The following PHTF2 variants were observed in gnomAD, a reference collection of about 807,000 sequenced individuals.
PHTF2 encodes the protein putative homeodomain transcription factor 2, also known as protein PHTF2.
Under a neutral mutation model 101.2 loss-of-function variants are expected in PHTF2, and 60 were observed. The observed-to-expected ratio is 0.59, with a 90% CI of 0.48 to 0.73. PHTF2 has a LOEUF of 0.73. Ranked by LOEUF, PHTF2 falls within the 30% of genes least tolerant of loss-of-function variation. PHTF2 has a pLI of 0.00. For synonymous variants in PHTF2, 311 were observed against 307.3 expected (o/e 1.01, Z -0.13); for missense variants, 747 against 908.7 (o/e 0.82, Z 2.29).
At chr7:77,852,011 GT>G (rs1225094735) in intron 2 of PHTF2, among the ~76,000 whole-genome samples, 1 of 152,082 alleles carries the variant, frequency 6.6e-6, no homozygotes, top group African/African-American at 2.4e-5. Context: ...CCATGTGTTT[GT>G]GTAGTTTCCA....
At chr7:77,809,539 C>A (rs1339914905) in intron 1 of PHTF2, among the ~76,000 whole-genome samples, 2 of 151,972 alleles carry the variant, frequency 1.3e-5, no homozygotes, top group African/African-American at 4.8e-5. Flanking sequence ...AAACCCAATT[C>A]TTATTGACAA....
intron 2 of PHTF2, among the ~76,000 whole-genome samples, chr7:77,852,415 G>A (rs941668252): frequency 6.6e-6 from 1 of 152,184 alleles, no homozygotes; most frequent in Non-Finnish European, 1.5e-5. Context: ...TGAGGCTTGT[G>A]AGTAACATCT....
chr7:77,927,540 G>A (rs1055532696), intron 11 of PHTF2, among the ~76,000 whole-genome samples: 1 of 152,092 alleles, frequency 6.6e-6, no homozygotes, highest in African/African-American at 2.4e-5. Flanking sequence ...AAGTTGTGGT[G>A]AGTGAAGATC....
intron 1 of PHTF2, among the ~76,000 whole-genome samples, chr7:77,806,129 C>T (rs915033425): frequency 1.1e-4 from 16 of 150,876 alleles, no homozygotes; most frequent in Middle Eastern, 3.4e-3. Context: ...GCAGTGAGAT[C>T]GCACCATTGC....
At position 77,942,322 on chromosome 7, in the gene PHTF2, C is replaced by A. The variant is rs137905198; in HGVS notation, c.1873-378C>A. 1.8e-3 allele frequency among the ~76,000 whole-genome samples: 274 copies of A among 152,294 alleles called. 2 individuals are homozygous for A. The highest frequency in any genetic ancestry group is 5.9e-3 in the African/African-American group (247 of 41,572). On this transcript the variant is annotated intron_variant, in intron 15 of 19. Coordinates refer to ENST00000416283, the Ensembl canonical transcript of PHTF2. ...TTGATGTCTCACTCCCCTCCTAGTT[C>A]CTGTGAAGGTAGAGGGACCATGTGT...
At chr7:77,809,431 T>C (rs897598708) in intron 1 of PHTF2, among the ~76,000 whole-genome samples, 8 of 152,064 alleles carry the variant, frequency 5.3e-5, no homozygotes, top group African/African-American at 1.9e-4. Context: ...TTCACCATGT[T>C]GACCAGGCTC....
chr7:77,906,760 T>C, intron 7 of PHTF2, among the ~76,000 whole-genome samples: 1 of 152,042 alleles, frequency 6.6e-6, no homozygotes, highest in South Asian at 2.1e-4. Flanking sequence ...TACAAAAAAT[T>C]AGCCAAGCGT....
At chr7:77,813,430 T>C (rs996200115) in intron 1 of PHTF2, among the ~76,000 whole-genome samples, 1 of 152,208 alleles carries the variant, frequency 6.6e-6, no homozygotes, top group African/African-American at 2.4e-5. Context: ...TGGAAGTCAC[T>C]GGTGTCCTCA....
chr7:77,927,290 GA>G (rs1185497188), intron 11 of PHTF2, among the ~76,000 whole-genome samples: 1 of 147,728 alleles, frequency 6.8e-6, no homozygotes, highest in Non-Finnish European at 1.5e-5. Flanking sequence ...ATTATCAAAT[GA>G]ATATAAATAA....
intron 6 of PHTF2, among the ~76,000 whole-genome samples, chr7:77,901,164 C>G (rs959172857): frequency 6.6e-6 from 1 of 152,162 alleles, no homozygotes; most frequent in Non-Finnish European, 1.5e-5. Context: ...CCTTATGGCC[C>G]GTATACCTCC....
At chr7:77,869,223 G>C (rs1011700323) in intron 3 of PHTF2, among the ~76,000 whole-genome samples, 1 of 152,106 alleles carries the variant, frequency 6.6e-6, no homozygotes, top group African/African-American at 2.4e-5. Flanking sequence ...GTAATGATTA[G>C]ATCAGGGTAA....
chr7:77,859,771 C>T lies in PHTF2; in HGVS notation c.147+4937C>T, dbSNP rs1287952571. Among the ~76,000 whole-genome samples the T allele has an allele frequency of 2.0e-5, 3 of 152,202 alleles. No individual in the cohort carries two copies. The South Asian group carries it at 6.2e-4, about 32-fold the overall frequency. Reference sequence around the variant, plus strand: ...TTTAATTTACAATGAGACCCTGTCTCACTGTGTTGCTCAGGCTGGCCTTGA... The same window carrying T: ...TTTAATTTACAATGAGACCCTGTCTTACTGTGTTGCTCAGGCTGGCCTTGA... On this transcript the variant is annotated intron_variant, in intron 3 of 19. Transcript: ENST00000416283.
At chr7:77,885,905 A>C (rs1799801975) in intron 3 of PHTF2, among the ~76,000 whole-genome samples, 2 of 152,172 alleles carry the variant, frequency 1.3e-5, no homozygotes, top group Admixed American at 6.5e-5. Flanking sequence ...TGTGAGAATT[A>C]ATAGCTTGCT....
intron 1 of PHTF2, 112 bp from the exon 2 acceptor site, chr7:77,840,109 G>T (rs1472182745): frequency 1.9e-6 from 1 of 531,890 alleles, no homozygotes; most frequent in Non-Finnish European, 3.4e-6. Context: ...TATAAGTCTC[G>T]TCATACACCC....
intron 1 of PHTF2, among the ~76,000 whole-genome samples, chr7:77,830,105 A>G (rs1307953048): frequency 6.6e-6 from 1 of 152,182 alleles, no homozygotes; most frequent in Non-Finnish European, 1.5e-5. Context: ...TTCAGAGATA[A>G]TAAAGACATT....
At chr7:77,954,787 GT>G in intron 19 of PHTF2, 70 bp from the exon 19 acceptor site, 1 of 802,868 alleles carries the variant, frequency 1.2e-6, no homozygotes, top group Non-Finnish European at 2.1e-6. Context: ...TTTAAAAATG[GT>G]GTTATATGAT....
intron 11 of PHTF2, chr7:77,923,814 T>A (rs1305536429): frequency 4.1e-6 from 4 of 985,342 alleles, no homozygotes; most frequent in Non-Finnish European, 4.8e-6. Context: ...GTAGCAGTAT[T>A]TTTCTCACTC....
rs562092510 is a variant in PHTF2, at chr7:77,834,549, G to T, written c.-35-5672G>T. ...GGCTTGACTCAAGTCCTATACTCAC[G>T]TGTCTGTGCTTGCCTACCTCACATG... On this transcript the variant is annotated intron_variant, in intron 1 of 19. Transcript: ENST00000416283. Among the ~76,000 whole-genome samples, 143 of 152,218 alleles carry T rather than the reference G, an allele frequency of 9.4e-4. 3 individuals carry two copies. The highest frequency in any genetic ancestry group is 3.3e-3 in the African/African-American group (135 of 41,528).
intron 3 of PHTF2, among the ~76,000 whole-genome samples, chr7:77,882,742 A>G (rs1314500108): frequency 6.6e-6 from 1 of 152,104 alleles, no homozygotes; most frequent in Non-Finnish European, 1.5e-5. Context: ...GATTTGGTAA[A>G]ATAATTTGGT....
Sources: gnomAD v4.1 joint callset for allele counts (sites outside exome capture counted in the v4.1 genomes callset) on GRCh38, gnomAD v4.1.1 for gene constraint, MANE v1.5 for transcripts, NCBI Gene and HGNC (gene_info 2026-07-23, HGNC 2026-07-21) for gene names.